The following ARID3A variants were observed in gnomAD, a reference collection of about 807,000 sequenced individuals.
The protein encoded by ARID3A is AT-rich interactive domain-containing protein 3A.
ARID3A carries 11 observed loss-of-function variants against 52.7 expected under a neutral mutation model. The observed-to-expected ratio is 0.21, with a 90% CI of 0.13 to 0.35. The LOEUF is 0.35. Among genes scored for constraint, ARID3A ranks in the 10% least tolerant of loss-of-function variants. The pLI is 1.00. For synonymous variants in ARID3A, 404 were observed against 359.4 expected (o/e 1.12, Z -1.40); for missense variants, 721 against 838.5 (o/e 0.86, Z 1.73).
At chr19:953,496 G>T (rs2037849096) in intron 3 of ARID3A, among the ~76,000 whole-genome samples, 1 of 152,030 alleles carries the variant, frequency 6.6e-6, no homozygotes, top group South Asian at 2.1e-4. Context: ...TGCAGAGCCG[G>T]GGGAGTGTCA....
intron 3 of ARID3A, among the ~76,000 whole-genome samples, chr19:948,149 C>A (rs116505630): frequency 0.018 from 2,729 of 151,998 alleles, 66 homozygotes; most frequent in African/African-American, 0.061. Flanking sequence ...TTTCCCTTCA[C>A]AGCCCACCCG....
chr19:930,752 G>A (rs1442677760), intron 2 of ARID3A, among the ~76,000 whole-genome samples: 104 of 150,966 alleles, frequency 6.9e-4, no homozygotes, highest in East Asian at 1.4e-3. Context: ...CTCATGATCT[G>A]CCTGCCTTGG....
At chr19:968,313 C>T (rs1445708184) in intron 7 of ARID3A, 92 bp from the exon 8 acceptor site, 32 of 1,039,744 alleles carry the variant, frequency 3.1e-5, no homozygotes, top group Non-Finnish European at 4.3e-5. Flanking sequence ...GAGCTGAGAT[C>T]GCGCCACTGC....
In ARID3A at chr19:927,739, G is replaced by T. The variant is rs2037231479; in HGVS notation, c.-267-1523G>T. ...GCCTGGGGATGGGGGGCTGGGTGCCGCCCTGGTGGCCTCCGGACCGCCAGG... is the reference window on the plus strand; with the variant it reads ...GCCTGGGGATGGGGGGCTGGGTGCCTCCCTGGTGGCCTCCGGACCGCCAGG... On this transcript the variant is annotated intron_variant, in intron 1 of 8. Transcript: ENST00000263620. Among the ~76,000 whole-genome samples the T allele has an allele frequency of 3.3e-5, 5 of 152,122 alleles. 1 individual carries two copies. In the South Asian group the frequency reaches 8.3e-4, roughly 25 times the overall value.
chr19:943,645 G>A (rs962058127), intron 3 of ARID3A, among the ~76,000 whole-genome samples: 1 of 152,170 alleles, frequency 6.6e-6, no homozygotes, highest in Non-Finnish European at 1.5e-5. Context: ...CAGAGGCAGA[G>A]GCTGGAGCGA....
intron 3 of ARID3A, among the ~76,000 whole-genome samples, chr19:954,319 T>G (rs567457440): frequency 6.6e-6 from 1 of 151,924 alleles, no homozygotes; most frequent in Non-Finnish European, 1.5e-5. Context: ...GGGGAGACGA[T>G]GGGCCCAGCC....
At position 974,111 on chromosome 19, in the gene ARID3A, C is replaced by A. The variant is rs1280867080; in HGVS notation, c.*2046C>A. ...ACTCCCCAGCTCCCCCCACTCCCAA[C>A]CACCTCCCCATTGCCTTGGAGACCC... On this transcript the variant is annotated 3_prime_UTR_variant, in exon 9 of 9. Coordinates refer to ENST00000263620, the MANE Select transcript of ARID3A (RefSeq NM_005224.3). 8.8e-6 allele frequency: 2 copies of A among 226,476 alleles called. No individual in the cohort carries two copies. The highest frequency in any genetic ancestry group is 4.5e-5 in the African/African-American group (2 of 44,916). The allele number at this position is 226,476 out of a possible 1,614,324, so 14.0% of individuals were successfully genotyped here.
At chr19:934,602 G>C (rs942888830) in intron 3 of ARID3A, among the ~76,000 whole-genome samples, 1 of 152,182 alleles carries the variant, frequency 6.6e-6, no homozygotes, top group African/African-American at 2.4e-5. Flanking sequence ...CTGCCCCCTG[G>C]GTGTACCGGG....
At chr19:967,647 G>A (rs900409077) in intron 7 of ARID3A, among the ~76,000 whole-genome samples, 1 of 152,078 alleles carries the variant, frequency 6.6e-6, no homozygotes, top group African/African-American at 2.4e-5. Flanking sequence ...GTGCACTGGT[G>A]ACAGCATGAA....
chr19:966,037 T>G (rs1434424011), intron 6 of ARID3A, among the ~76,000 whole-genome samples: 1 of 149,222 alleles, frequency 6.7e-6, no homozygotes, highest in African/African-American at 2.5e-5. Flanking sequence ...GGTGGGCGCC[T>G]GTAATCCCAG....
intron 7 of ARID3A, among the ~76,000 whole-genome samples, chr19:967,316 C>T (rs1017923623): frequency 1.3e-5 from 2 of 151,996 alleles, no homozygotes; most frequent in Non-Finnish European, 2.9e-5. Flanking sequence ...GCCTATAATC[C>T]CAGCACTTTG....
In ARID3A at chr19:965,050, T is replaced by C; in HGVS notation, c.1168T>C (p.Ser390Pro). The change falls in exon 6 of 9, where the codon TCC (serine) becomes CCC (proline). Residue 390 changes from serine to proline, a missense_variant. Around this residue, in one of 5 missense-constraint regions of ARID3A, gnomAD observed 297 missense variants for 343.2 expected, o/e 0.87. Transcript: ENST00000263620. ...CCTGGCCGCAAGCACCAATGGCAGC[T>C]CCATCACCCCCGCCCCTAAGATCAA... The part of the protein sequence containing the change: ...LGLAASTNGS[S>P]ITPAPKIKKE... 6 of 1,612,192 alleles carry C rather than the reference T, an allele frequency of 3.7e-6. No individual in the cohort carries two copies. The South Asian group carries it at 6.6e-5, about 18-fold the overall frequency.
In ARID3A at chr19:971,676, A is replaced by G. The variant is rs8102019; in HGVS notation, c.1595-202A>G. On this transcript the variant is annotated intron_variant, in intron 8 of 8. Transcript: ENST00000263620. ...GTGGCACGCCCCTGTGGTCTCAGCT[A>G]CTCGGGAGGCTGAGCTGGGAGGATC... 4.4e-3 allele frequency among the ~76,000 whole-genome samples: 669 copies of G among 152,172 alleles called. 6 individuals are homozygous for G. The highest frequency in any genetic ancestry group is 0.015 in the African/African-American group (634 of 41,526).
In ARID3A at chr19:973,038, GAT is replaced by G. The variant is rs2038313045; in HGVS notation, c.*976_*977del. ...CCCCTGACAGTGAATTGCTGACTGT[GAT>G]ATTCCACGATGCTTTTGCTTGTGCC... On this transcript the variant is annotated 3_prime_UTR_variant, in exon 9 of 9. Transcript: ENST00000263620. The G allele has an allele frequency of 5.4e-6, 1 of 184,470 alleles. No individual in the cohort carries two copies. The highest frequency in any genetic ancestry group is 1.1e-5 in the Non-Finnish European group (1 of 88,794). 11.4% of individuals were successfully genotyped at this position (184,470 alleles called of 1,614,324 possible).
rs140564736 is a variant in ARID3A at position 961,030 on chromosome 19, G to T, written c.766+866G>T. ...TCTCGCCTCCAAGTCCTCGTCGGCCGGAGAGGGTCCTAGGAGCGTCTGCTG... is the reference window on the plus strand; with the variant it reads ...TCTCGCCTCCAAGTCCTCGTCGGCCTGAGAGGGTCCTAGGAGCGTCTGCTG... On this transcript the variant is annotated intron_variant, in intron 4 of 8. Coordinates refer to ENST00000263620, the MANE Select transcript of ARID3A (RefSeq NM_005224.3). Among the ~76,000 whole-genome samples the T allele has an allele frequency of 2.6e-5, 4 of 152,156 alleles. No homozygotes were observed. In the South Asian group the frequency reaches 8.3e-4, roughly 31 times the overall value.
chr19:968,577 G>C, intron 8 of ARID3A, 74 bp downstream of exon 8: 2 of 1,428,432 alleles, frequency 1.4e-6, no homozygotes, highest in South Asian at 1.2e-5. Context: ...CCTGAGTTGC[G>C]CCTGGTCCCA....
intron 1 of ARID3A, among the ~76,000 whole-genome samples, chr19:927,145 C>G (rs1037939826): frequency 6.6e-6 from 1 of 152,116 alleles, no homozygotes; most frequent in African/African-American, 2.4e-5. Flanking sequence ...TTGCAAGGCC[C>G]GCGCCGAGCG....
At chr19:943,584 G>T (rs114326803) in intron 3 of ARID3A, among the ~76,000 whole-genome samples, 5,022 of 151,920 alleles carry the variant, frequency 0.033, 212 homozygotes, top group East Asian at 0.18. Flanking sequence ...AAAAAGAAAA[G>T]AAAAAAGAGA....
At chr19:956,121 T>G (rs895661203) in intron 3 of ARID3A, among the ~76,000 whole-genome samples, 2 of 152,102 alleles carry the variant, frequency 1.3e-5, no homozygotes, top group Admixed American at 1.3e-4. Flanking sequence ...AACGTCTCGT[T>G]CTGAGGTTCT....
Sources: gnomAD v4.1 joint callset for allele counts (sites outside exome capture counted in the v4.1 genomes callset) on GRCh38, gnomAD v4.1.1 for gene constraint, gnomAD v4.1.1 regional missense constraint, MANE v1.5 for transcripts, NCBI Gene and HGNC (gene_info 2026-07-23, HGNC 2026-07-21) for gene names.